WDPCP: variants seen among roughly 807,000 people sequenced by gnomAD.
WDPCP encodes WD repeat containing planar cell polarity effector, also known as WD repeat-containing and planar cell polarity effector protein fritz homolog.
Under a neutral mutation model 93.1 loss-of-function variants are expected in WDPCP, and 71 were observed. The ratio of observed to expected loss-of-function variants is 0.76; its 90% CI spans 0.63 to 0.93. The LOEUF is 0.93. WDPCP is among the 40% of genes least tolerant of loss of function. The probability of loss-of-function intolerance (pLI) is 0.00; values close to 1 mark genes in which losing one functional copy is unlikely to be tolerated. For missense variants in WDPCP, 844 were observed against 887.4 expected (o/e 0.95, Z 0.62); for synonymous variants, 315 against 315.0 (o/e 1.00, Z 0.00).
intron 2 of WDPCP, among the ~76,000 whole-genome samples, chr2:63,763,388 A>C (rs1434810867): frequency 6.6e-6 from 1 of 151,902 alleles, no homozygotes; most frequent in Admixed American, 6.6e-5. Flanking sequence ...CTGTAATTCC[A>C]GCTACTCAGG....
intron 1 of WDPCP, among the ~76,000 whole-genome samples, chr2:63,515,401 G>A (rs1177499590): frequency 6.6e-6 from 1 of 152,038 alleles, no homozygotes; most frequent in African/African-American, 2.4e-5. Flanking sequence ...TCCAATATGT[G>A]GCACACTCAA....
At chr2:63,782,975 T>A (rs944119785) in intron 2 of WDPCP, among the ~76,000 whole-genome samples, 7 of 152,130 alleles carry the variant, frequency 4.6e-5, no homozygotes, top group Non-Finnish European at 8.8e-5. Flanking sequence ...GAAATGCTTA[T>A]ACACTCCTAG....
rs9798379 is a variant in WDPCP, at chr2:63,622,066, C to T, written n.488+28593G>A. The stretch of plus-strand genomic sequence containing the variant: ...CACCCCTCAACATTCTTTCTTTTTT[C>T]TTTTTTTTTTTTTTTTTTGGAAGTT... On this transcript the variant is annotated intron_variant and non_coding_transcript_variant, in intron 3 of 4. Coordinates refer to the WDPCP transcript ENST00000467687. The T allele has an allele frequency of 2.4e-3, 1,293 of 529,006 alleles. 18 individuals are homozygous for T. The African/African-American group carries it at 0.031, about 13-fold the overall frequency. 32.8% of individuals were successfully genotyped at this position (529,006 alleles called of 1,614,324 possible).
chr2:63,187,892 CAT>C (rs898573888), intron 14 of WDPCP, among the ~76,000 whole-genome samples: 1 of 152,172 alleles, frequency 6.6e-6, no homozygotes, highest in Non-Finnish European at 1.5e-5. Context: ...TGTCTAGTAA[CAT>C]TGACTAAACA....
chr2:63,311,073 C>T (rs1686149513), intron 13 of WDPCP, among the ~76,000 whole-genome samples: 1 of 152,142 alleles, frequency 6.6e-6, no homozygotes, highest in Non-Finnish European at 1.5e-5. Flanking sequence ...GCCATATCAA[C>T]TTTCTTATCA....
chr2:63,290,079 G>C (rs966460256), intron 13 of WDPCP, among the ~76,000 whole-genome samples: 1 of 151,362 alleles, frequency 6.6e-6, no homozygotes, highest in Non-Finnish European at 1.5e-5. Context: ...CATCCAGTTT[G>C]AACTTACGGT....
rs1281918775 is a variant in WDPCP, at chr2:63,404,062, AGC to A, written c.1419_1420del (p.Leu474ValfsTer3). 1.2e-6 allele frequency: 2 copies of A among 1,614,100 alleles called. No individual in the cohort carries two copies. Among genetic ancestry groups the A allele is most frequent in the South Asian group, 2.2e-5 (2 of 91,082 alleles). ...CCTTGACTTACCTAGTTTAAACAACAGCACACCCAAAGGTCCTCTTTCAAACC... is the reference window on the plus strand; with the variant it reads ...CCTTGACTTACCTAGTTTAAACAACAACACCCAAAGGTCCTCTTTCAAACC... On this transcript the variant is annotated frameshift_variant, in exon 10 of 18. Coordinates refer to ENST00000272321, the MANE Select transcript of WDPCP (RefSeq NM_015910.7). LOFTEE classifies it high-confidence loss of function.
At chr2:63,456,032 A>G (rs1240263106) in intron 6 of WDPCP, among the ~76,000 whole-genome samples, 2 of 152,276 alleles carry the variant, frequency 1.3e-5, no homozygotes, top group African/African-American at 4.8e-5. Flanking sequence ...TTTAAAGAGC[A>G]TACAAATACA....
At chr2:63,641,620 C>T (rs765272757) in intron 3 of WDPCP, among the ~76,000 whole-genome samples, 1 of 152,008 alleles carries the variant, frequency 6.6e-6, no homozygotes, top group Non-Finnish European at 1.5e-5. Context: ...ACATCTTTTG[C>T]CCATTTTTTG....
chr2:63,800,082 GA>G (rs1418058951), intron 2 of WDPCP, among the ~76,000 whole-genome samples: 1 of 151,984 alleles, frequency 6.6e-6, no homozygotes, highest in Non-Finnish European at 1.5e-5. Flanking sequence ...ATTATTCCCT[GA>G]AATCTCAACA....
At chr2:63,556,489 C>G (rs545495079) in intron 1 of WDPCP, among the ~76,000 whole-genome samples, 62 of 152,278 alleles carry the variant, frequency 4.1e-4, no homozygotes, top group African/African-American at 1.3e-3. Context: ...AATTTAGCCT[C>G]TTTGCATTGG....
chr2:63,523,935 T>C (rs536827160), intron 1 of WDPCP, among the ~76,000 whole-genome samples: 1 of 151,802 alleles, frequency 6.6e-6, no homozygotes, highest in Non-Finnish European at 1.5e-5. Flanking sequence ...TAAAAAGCAA[T>C]GTATAAAAAT....
chr2:63,693,540 G>T (rs1668920042), intron 2 of WDPCP, among the ~76,000 whole-genome samples: 1 of 152,042 alleles, frequency 6.6e-6, no homozygotes, highest in Admixed American at 6.6e-5. Flanking sequence ...CAGTGGGGAG[G>T]ATTTGAGGGG....
chr2:63,307,795 C>T lies in WDPCP; in HGVS notation c.1812+5453G>A, dbSNP rs1395961109. 3.9e-5 allele frequency among the ~76,000 whole-genome samples: 6 copies of T among 152,220 alleles called. No homozygotes were observed. The South Asian group carries it at 1.0e-3, about 26-fold the overall frequency. On this transcript the variant is annotated intron_variant, in intron 13 of 17. Transcript: ENST00000272321. ...CCCTAGAAGAAAACCTAGGCAATAC[C>T]ATTCAGGACACAGGCATGGGCAAAG...
rs780239496 is a variant in WDPCP, at chr2:63,433,838, C to G, written c.732G>C (p.Leu244=). 5.0e-6 allele frequency: 8 copies of G among 1,613,946 alleles called. No individual in the cohort carries two copies. In the South Asian group the frequency reaches 8.8e-5, roughly 18 times the overall value. The change falls in exon 9 of 18, where the codon CTG becomes CTC. Residue 244 remains leucine (L), a synonymous_variant. Coordinates refer to ENST00000272321, the MANE Select transcript of WDPCP (RefSeq NM_015910.7). ...CCCAAGGCCAAGCATCATCGTTGACCAGTGGCCACCAGCAAACAACTCTAT... is the reference window on the plus strand; with the variant it reads ...CCCAAGGCCAAGCATCATCGTTGACGAGTGGCCACCAGCAAACAACTCTAT... The part of the protein sequence containing the change: ...VHDRVVCWWP[L]VNDDAWPWAP...
intron 12 of WDPCP, among the ~76,000 whole-genome samples, chr2:63,368,484 C>A (rs1457774357): frequency 6.6e-6 from 1 of 151,894 alleles, no homozygotes; most frequent in East Asian, 1.9e-4. Context: ...TGCCACCATG[C>A]CTGGCTAATT....
upstream of WDPCP, chr2:63,589,064 G>A (rs150391434): frequency 3.1e-6 from 5 of 1,613,980 alleles, no homozygotes; most frequent in East Asian, 2.2e-5. Flanking sequence ...TGGGCCCCGG[G>A]TTCCTGCCCA....
At position 63,122,037 on chromosome 2, in the gene WDPCP, G is replaced by A. The variant is rs746369214; in HGVS notation, c.2210C>T (p.Ser737Phe). ...CAGACCAAAGTGAATCATTTTGAGA[G>A]AACCACCATCTCTGATTTCCTGCAA... Reference protein sequence around the residue: ...GREQEIRDGGSLKMIHFGLV With the variant: ...GREQEIRDGGFLKMIHFGLV Residue 737 changes from serine to phenylalanine, a missense_variant, in exon 18 of 18, where the codon TCT becomes TTT. Coordinates refer to ENST00000272321, the MANE Select transcript of WDPCP (RefSeq NM_015910.7). 1.2e-6 allele frequency: 2 copies of A among 1,612,844 alleles called. No homozygotes were observed. Among genetic ancestry groups the A allele is most frequent in the African/African-American group, 1.3e-5 (1 of 74,972 alleles).
At chr2:63,734,084 CATTTT>C (rs1327273312) in intron 2 of WDPCP, among the ~76,000 whole-genome samples, 3 of 152,088 alleles carry the variant, frequency 2.0e-5, no homozygotes, top group African/African-American at 7.2e-5. Flanking sequence ...GTACTCAGTC[CATTTT>C]ATGGCAAAAC....
Sources: gnomAD v4.1 joint callset for allele counts (sites outside exome capture counted in the v4.1 genomes callset) on GRCh38, gnomAD v4.1.1 for gene constraint, MANE v1.5 for transcripts, NCBI Gene and HGNC (gene_info 2026-07-23, HGNC 2026-07-21) for gene names.